The following OLFM3 variants were observed in gnomAD, a reference collection of about 807,000 sequenced individuals.
OLFM3 encodes olfactomedin 3.
In OLFM3, 20 loss-of-function variants were observed where a neutral mutation model predicts 48.6. The observed-to-expected ratio is 0.41, with a 90% CI of 0.29 to 0.60. The LOEUF (loss-of-function observed/expected upper bound fraction) is 0.60, where lower values mean the gene tolerates loss of function less well. OLFM3 is among the 20% of genes least tolerant of loss of function. The probability of loss-of-function intolerance (pLI) is 0.28; values close to 1 mark genes in which losing one functional copy is unlikely to be tolerated. For synonymous variants in OLFM3, 222 were observed against 198.1 expected, an observed-to-expected ratio of 1.12 and a Z score of -1.01; for missense variants, 437 against 544.3, an observed-to-expected ratio of 0.80 and a Z score of 1.96.
At chr1:101,981,463 C>T (rs1317943301) in intron 1 of OLFM3, among the ~76,000 whole-genome samples, 2 of 152,178 alleles carry the variant, frequency 1.3e-5, no homozygotes, top group South Asian at 2.1e-4. Context: ...CCATATTCTC[C>T]TCTAGGTATA....
intron 1 of OLFM3, among the ~76,000 whole-genome samples, chr1:101,944,434 A>G (rs1352498616): frequency 6.6e-6 from 1 of 152,166 alleles, no homozygotes; most frequent in South Asian, 2.1e-4. Context: ...AATAGTGCCT[A>G]TTCAAGCAGT....
chr1:101,860,303 T>C (rs1207530694), intron 1 of OLFM3, among the ~76,000 whole-genome samples: 1 of 152,040 alleles, frequency 6.6e-6, no homozygotes, highest in East Asian at 1.9e-4. Flanking sequence ...TATCTTGAAC[T>C]AAAAAAATAA....
At chr1:101,904,434 C>T (rs1570617097) in intron 1 of OLFM3, among the ~76,000 whole-genome samples, 1 of 151,988 alleles carries the variant, frequency 6.6e-6, no homozygotes, top group South Asian at 2.1e-4. Context: ...GATGCAGCTG[C>T]TAGTGCTAGC....
intron 1 of OLFM3, among the ~76,000 whole-genome samples, chr1:101,944,181 A>C (rs936666206): frequency 6.6e-6 from 1 of 152,006 alleles, no homozygotes; most frequent in Non-Finnish European, 1.5e-5. Context: ...TTATTATCAC[A>C]TATAAATTAT....
chr1:101,886,083 A>C (rs1363896852), intron 1 of OLFM3, among the ~76,000 whole-genome samples: 1 of 152,106 alleles, frequency 6.6e-6, no homozygotes, highest in African/African-American at 2.4e-5. Context: ...CTTGAGCTTA[A>C]TTTGGAATAT....
At chr1:101,812,506 A>G (rs1654116039) in intron 4 of OLFM3, 1 of 985,280 alleles carries the variant, frequency 1.0e-6, no homozygotes, top group East Asian at 1.1e-4. Context: ...TGAGGTGTGC[A>G]TAATCCGATG....
chr1:101,859,227 C>G (rs1656550884), intron 1 of OLFM3, among the ~76,000 whole-genome samples: 1 of 152,034 alleles, frequency 6.6e-6, no homozygotes, highest in Non-Finnish European at 1.5e-5. Context: ...ACCACTATGT[C>G]TTTATGGAGT....
intron 2 of OLFM3, among the ~76,000 whole-genome samples, chr1:101,831,755 C>G (rs921589098): frequency 1.3e-5 from 2 of 152,182 alleles, no homozygotes; most frequent in Admixed American, 1.3e-4. Context: ...TCCAGAACTA[C>G]TGAATCAAAA....
intron 1 of OLFM3, among the ~76,000 whole-genome samples, chr1:101,902,163 C>T (rs77932433): frequency 0.011 from 1,706 of 151,874 alleles, 9 homozygotes; most frequent in Admixed American, 0.016. Context: ...GACTGTATGA[C>T]GTGGAAGCCA....
At position 101,825,011 on chromosome 1, in the gene OLFM3, A is replaced by C. The variant is rs1296785104; in HGVS notation, c.592+15T>G. On this transcript the variant is annotated intron_variant, in intron 4 of 5. Coordinates refer to ENST00000370103, the MANE Select transcript of OLFM3 (RefSeq NM_058170.4). ...ATAAAAACGTAACTTAGACAAATTA[A>C]ATTGTCATACTCACTTAGCTTTTTC... 5 of 1,607,978 alleles carry C rather than the reference A, an allele frequency of 3.1e-6. No homozygotes were observed. The South Asian group carries it at 5.5e-5, about 18-fold the overall frequency.
intron 1 of OLFM3, among the ~76,000 whole-genome samples, chr1:101,953,899 C>T (rs1660216794): frequency 6.6e-6 from 1 of 152,016 alleles, no homozygotes; most frequent in African/African-American, 2.4e-5. Context: ...AGACAACTAG[C>T]TCAGATTCTG....
At chr1:101,983,652 T>C (rs1368626997) in intron 1 of OLFM3, among the ~76,000 whole-genome samples, 1 of 152,250 alleles carries the variant, frequency 6.6e-6, no homozygotes, top group African/African-American at 2.4e-5. Flanking sequence ...GAATCTTAAA[T>C]ATCTGAACTA....
At chr1:101,897,896 A>T (rs1658258365) in intron 1 of OLFM3, among the ~76,000 whole-genome samples, 1 of 152,118 alleles carries the variant, frequency 6.6e-6, no homozygotes, top group Admixed American at 6.5e-5. Context: ...ACAAACAAAA[A>T]CACTTCCTTT....
chr1:101,846,841 T>C (rs757964702), intron 1 of OLFM3: 3 of 1,608,938 alleles, frequency 1.9e-6, no homozygotes, highest in Non-Finnish European at 1.7e-6. Flanking sequence ...CCGCAGTAAC[T>C]TACTAAGGTA....
chr1:101,904,177 C>G (rs531408674), intron 1 of OLFM3, among the ~76,000 whole-genome samples: 1 of 151,910 alleles, frequency 6.6e-6, no homozygotes, highest in Non-Finnish European at 1.5e-5. Context: ...CCCACAATAA[C>G]GCACTTTCTT....
intron 4 of OLFM3, among the ~76,000 whole-genome samples, chr1:101,807,595 C>T (rs369891841): frequency 6.6e-6 from 1 of 151,782 alleles, no homozygotes; most frequent in African/African-American, 2.4e-5. Context: ...TGGCAGAATA[C>T]TAAGCTTTGC....
chr1:101,961,168 T>G (rs984659406), intron 1 of OLFM3, among the ~76,000 whole-genome samples: 21 of 152,156 alleles, frequency 1.4e-4, no homozygotes, highest in Admixed American at 3.3e-4. Flanking sequence ...CAGAAGTATA[T>G]TTTTAGAGGA....
chr1:101,995,841 G>T (rs554460746), intron 1 of OLFM3, among the ~76,000 whole-genome samples: 1 of 152,068 alleles, frequency 6.6e-6, no homozygotes, highest in African/African-American at 2.4e-5. Flanking sequence ...ATAATAAATT[G>T]TATCTCTTAC....
At position 101,871,743 on chromosome 1, in the gene OLFM3, TATA is replaced by T. The variant is rs570997422; in HGVS notation, c.70-34721_70-34719del. ...TATTTGATACCATATAAATATGATT[TATA>T]ATATTATTAAATACTTTGAAAATAG... On this transcript the variant is annotated intron_variant, in intron 1 of 5. Coordinates refer to ENST00000370103, the MANE Select transcript of OLFM3 (RefSeq NM_058170.4). 1.5e-3 allele frequency among the ~76,000 whole-genome samples: 229 copies of T among 152,204 alleles called. 1 individual carries two copies. The highest frequency in any genetic ancestry group is 2.7e-3 in the Non-Finnish European group (186 of 67,980).
Sources: allele counts gnomAD v4.1 joint callset (sites outside exome capture counted in the v4.1 genomes callset), GRCh38; gene constraint gnomAD v4.1.1; transcripts MANE v1.5; gene names NCBI Gene and HGNC (gene_info 2026-07-23, HGNC 2026-07-21).